Variants in ANK3 observed in about 807,000 individuals in gnomAD.
ANK3 encodes ankyrin 3.
ANK3 carries 57 observed loss-of-function variants against 370.9 expected under a neutral mutation model. That is an observed-to-expected ratio of 0.15 (90% confidence interval 0.12 to 0.19). The LOEUF (loss-of-function observed/expected upper bound fraction) is 0.19, where lower values mean the gene tolerates loss of function less well. ANK3 is among the 10% of genes least tolerant of loss of function. The pLI, the probability that ANK3 is intolerant of heterozygous loss-of-function variation, is 1.00. For synonymous variants in ANK3, 1,929 were observed against 1,946.3 expected (o/e 0.99, Z 0.23); for missense variants, 4,439 against 5,302.1 (o/e 0.84, Z 5.06).
chr10:60,395,550 C>CTCTTTCTTTCTTTCTTTTCTT (rs1555367059), intron 2 of ANK3, among the ~76,000 whole-genome samples: 2 of 108,442 alleles, frequency 1.8e-5, no homozygotes, highest in South Asian at 3.4e-4. Context: ...ACTACTATGC[C>CTCTTTCTTTCTTTCTTTTCTT]TCTTTCTTTC....
intron 7 of ANK3, among the ~76,000 whole-genome samples, chr10:60,241,221 A>G (rs1362251437): frequency 1.3e-5 from 2 of 152,210 alleles, no homozygotes; most frequent in Non-Finnish European, 2.9e-5. Flanking sequence ...GCTAGAATTA[A>G]AGATCTATAT....
chr10:60,234,623 T>C (rs1321939078), intron 8 of ANK3, 65 bp downstream of exon 8: 3 of 928,342 alleles, frequency 3.2e-6, no homozygotes. Flanking sequence ...AGTGCAAAGG[T>C]ATCAGGAAAA....
intron 1 of ANK3, among the ~76,000 whole-genome samples, chr10:60,656,379 ATC>A (rs2078864052): frequency 1.3e-5 from 2 of 151,894 alleles, no homozygotes; most frequent in Non-Finnish European, 2.9e-5. Context: ...GAAAATGGTA[ATC>A]TGTGTCCTCT....
chr10:60,495,286 T>C (rs144378480), intron 2 of ANK3, among the ~76,000 whole-genome samples: 1 of 152,212 alleles, frequency 6.6e-6, no homozygotes, highest in East Asian at 1.9e-4. Flanking sequence ...AGTTCTAGAA[T>C]GCTACTACTC....
At chr10:60,361,627 AT>A (rs2058623487) in intron 1 of ANK3, among the ~76,000 whole-genome samples, 1 of 152,168 alleles carries the variant, frequency 6.6e-6, no homozygotes, top group Non-Finnish European at 1.5e-5. Context: ...GTAGTCAGGG[AT>A]ATCATTCATT....
At chr10:60,094,877 T>C (rs1260179053) in intron 28 of ANK3, among the ~76,000 whole-genome samples, 2 of 152,262 alleles carry the variant, frequency 1.3e-5, no homozygotes. Context: ...CATTTTAATG[T>C]GTTAACACAT....
chr10:60,370,560 A>G (rs1426662552), intron 1 of ANK3, among the ~76,000 whole-genome samples: 2 of 152,238 alleles, frequency 1.3e-5, no homozygotes, highest in African/African-American at 4.8e-5. Context: ...ACAAATACTT[A>G]CAGCGCAGTA....
chr10:60,263,891 T>A lies in ANK3; in HGVS notation c.643A>T (p.Thr215Ser), dbSNP rs1286270565. Residue 215 changes from threonine (T) to serine (S), a missense_variant, in exon 6 of 44, where the codon ACG becomes TCG. This residue lies in a region of ANK3 where 136 missense variants were observed against 230.5 expected (regional missense o/e 0.59). Transcript: ENST00000280772. ...TGCAGCAGCAGGGCGGCGGCTTTCG[T>A]GTCGTCTTTTCGGGCCGCGATATGA... ...ALHIAARKDD[T>S]KAAALLLQND... 6.2e-7 allele frequency: 1 copy of A among 1,614,176 alleles called. No homozygotes were observed. The highest frequency in any genetic ancestry group is 1.7e-5 in the Admixed American group (1 of 60,026).
intron 2 of ANK3, among the ~76,000 whole-genome samples, chr10:60,585,292 G>A (rs1348217739): frequency 6.6e-6 from 1 of 152,164 alleles, no homozygotes; most frequent in Non-Finnish European, 1.5e-5. Flanking sequence ...TGTTGTGCCT[G>A]TAAGTTTTAT....
intron 2 of ANK3, among the ~76,000 whole-genome samples, chr10:60,510,242 G>C (rs561643833): frequency 6.6e-6 from 1 of 152,146 alleles, no homozygotes; most frequent in East Asian, 1.9e-4. Flanking sequence ...TACATATCAA[G>C]GCAAGTATCC....
At chr10:60,400,760 A>C (rs2063336974) in intron 2 of ANK3, among the ~76,000 whole-genome samples, 1 of 152,158 alleles carries the variant, frequency 6.6e-6, no homozygotes, top group Non-Finnish European at 1.5e-5. Context: ...TAGGTTTGTT[A>C]CACAGGTAAA....
At chr10:60,389,170 C>T (rs1244358542) in intron 1 of ANK3, among the ~76,000 whole-genome samples, 1 of 152,084 alleles carries the variant, frequency 6.6e-6, no homozygotes, top group Non-Finnish European at 1.5e-5. Context: ...TGGAAACATG[C>T]CCATGCCTAT....
rs565825080 is a variant in ANK3, at chr10:60,571,294, C to A, written c.96+43892G>T. The stretch of plus-strand genomic sequence containing the variant: ...AATGTTGGCATGTACATAGACATGA[C>A]CTCAGAACAGTCTGCTGGTAGTAGG... On this transcript the variant is annotated intron_variant, in intron 2 of 43. Transcript: ENST00000373827. Among the ~76,000 whole-genome samples, 19 of 152,260 alleles carry A rather than the reference C, an allele frequency of 1.2e-4. No homozygotes were observed. In the South Asian group the frequency reaches 3.7e-3, roughly 30 times the overall value.
Position 60,264,024 on chromosome 10 carries a change from C to A in ANK3, c.514-4G>T, listed in dbSNP as rs780255981. 1.2e-6 allele frequency: 2 copies of A among 1,613,032 alleles called. No individual in the cohort carries two copies. Among genetic ancestry groups the A allele is most frequent in the Non-Finnish European group, 1.7e-6 (2 of 1,179,188 alleles). On this transcript the variant is annotated splice_polypyrimidine_tract_variant and splice_region_variant and intron_variant, in intron 5 of 43. Transcript: ENST00000280772. ...CTGCCAATGGTGTGAAGCCATCCTG[C>A]AAATAAATGGATGGGTCAAGATGGG...
chr10:60,395,620 C>CG (rs1212429705), intron 2 of ANK3, among the ~76,000 whole-genome samples: 91 of 32,662 alleles, frequency 2.8e-3, no homozygotes, highest in Non-Finnish European at 3.6e-3. Context: ...CTCTTTCGTT[C>CG]TCTCTCTCTC....
chr10:60,681,485 T>C (rs1358796001), intron 1 of ANK3, among the ~76,000 whole-genome samples: 2 of 152,194 alleles, frequency 1.3e-5, no homozygotes, highest in Non-Finnish European at 2.9e-5. Flanking sequence ...TCTGGAACAC[T>C]CTTCTCCCTC....
At chr10:60,718,469 A>C (rs2079819156) in intron 1 of ANK3, among the ~76,000 whole-genome samples, 1 of 152,176 alleles carries the variant, frequency 6.6e-6, no homozygotes, top group Admixed American at 6.5e-5. Flanking sequence ...GAATTTACTC[A>C]CCTGAAATTA....
intron 28 of ANK3, among the ~76,000 whole-genome samples, chr10:60,090,472 T>C (rs916909897): frequency 1.3e-5 from 2 of 152,056 alleles, no homozygotes; most frequent in Non-Finnish European, 2.9e-5. Flanking sequence ...AAGATTTCCA[T>C]GACAAAAAGA....
At chr10:60,182,528 C>A (rs1485182088) in intron 17 of ANK3, among the ~76,000 whole-genome samples, 3 of 152,130 alleles carry the variant, frequency 2.0e-5, no homozygotes, top group African/African-American at 7.2e-5. Flanking sequence ...TTTTTGCTTT[C>A]ATCCATTATG....
Sources: gnomAD v4.1 joint callset for allele counts (sites outside exome capture counted in the v4.1 genomes callset) on GRCh38, gnomAD v4.1.1 for gene constraint, gnomAD v4.1.1 regional missense constraint, MANE v1.5 for transcripts, NCBI Gene and HGNC (gene_info 2026-07-23, HGNC 2026-07-21) for gene names.